VWA8: variants seen among roughly 807,000 people sequenced by gnomAD.
The protein encoded by VWA8 is von Willebrand factor A domain-containing protein 8.
A neutral mutation model predicts 241.5 loss-of-function variants in VWA8; 221 were observed. The ratio of observed to expected loss-of-function variants is 0.91; its 90% CI spans 0.82 to 1.02. VWA8 has a LOEUF of 1.02. Ranked by LOEUF, VWA8 falls within the 50% of genes least tolerant of loss-of-function variation. VWA8 has a pLI of 0.00. For synonymous variants in VWA8, 852 were observed against 827.1 expected (o/e 1.03, Z -0.52); for missense variants, 2,322 against 2,328.7 (o/e 1.00, Z 0.06).
intron 40 of VWA8, among the ~76,000 whole-genome samples, chr13:41,592,709 GC>G (rs2044464258): frequency 7.0e-6 from 1 of 142,592 alleles, no homozygotes; most frequent in Non-Finnish European, 1.5e-5. Flanking sequence ...GTTATTAAAA[GC>G]CCTTCTCTGT....
intron 24 of VWA8, among the ~76,000 whole-genome samples, chr13:41,726,297 C>T (rs1374081672): frequency 1.3e-5 from 2 of 152,132 alleles, no homozygotes; most frequent in Non-Finnish European, 2.9e-5. Flanking sequence ...TATCCTTGTA[C>T]TTAAACATTG....
At chr13:41,620,602 C>T (rs1467449396) in intron 37 of VWA8, among the ~76,000 whole-genome samples, 1 of 152,048 alleles carries the variant, frequency 6.6e-6, no homozygotes, top group African/African-American at 2.4e-5. Flanking sequence ...CTCTTGTGGG[C>T]ATTTAGTGCT....
rs1300629701 is a variant in VWA8, at chr13:41,868,338, T to C, written c.1212+8A>G. 2 of 1,613,490 alleles carry C rather than the reference T, an allele frequency of 1.2e-6. No homozygotes were observed. The highest frequency in any genetic ancestry group is 2.2e-5 in the South Asian group (2 of 90,832). On this transcript the variant is annotated splice_region_variant and intron_variant, in intron 10 of 44. Coordinates refer to ENST00000379310, the MANE Select transcript of VWA8 (RefSeq NM_015058.2). Reference sequence around the variant, plus strand: ...TATCATAGAAAGAATAAACCTGTGATTAATTACCTTAATGGTCACCTCTTT... The same window carrying C: ...TATCATAGAAAGAATAAACCTGTGACTAATTACCTTAATGGTCACCTCTTT...
Position 41,949,936 on chromosome 13 carries a change from T to C in VWA8, c.241A>G (p.Ile81Val). ...KNPELVPQNY[I>V]SDSLAQSVVQ... ...TCATATATTAATAAATATTTCTTAC[T>C]GTAGTTCTGTGGCACAAGTTCTGGA... Residue 81 changes from isoleucine to valine, a missense_variant and splice_region_variant, in exon 2 of 45, where the codon ATT (isoleucine) becomes GTT (valine). Ile to Val is a conservative substitution (Grantham distance 29). Coordinates refer to ENST00000379310, the MANE Select transcript of VWA8 (RefSeq NM_015058.2). The C allele has an allele frequency of 6.4e-7, 1 of 1,557,628 alleles. No individual in the cohort carries two copies. Among genetic ancestry groups the C allele is most frequent in the Non-Finnish European group, 8.8e-7 (1 of 1,141,754 alleles).
rs541358005 is a variant in VWA8 at position 41,619,265 on chromosome 13, CTGTT to C, written c.4612-4185_4612-4182del. ...GGGAGTTCACTCGTGATTTGGCTCT[CTGTT>C]TGTCTGCTATTGGTGTATAGGAATG... On this transcript the variant is annotated intron_variant, in intron 37 of 44. Coordinates refer to ENST00000379310, the MANE Select transcript of VWA8 (RefSeq NM_015058.2). Among the ~76,000 whole-genome samples the C allele has an allele frequency of 1.2e-4, 19 of 152,272 alleles. No homozygotes were observed. In the East Asian group the frequency reaches 3.5e-3, roughly 28 times the overall value.
chr13:41,597,619 C>T (rs1202691802), intron 40 of VWA8, among the ~76,000 whole-genome samples: 1 of 151,778 alleles, frequency 6.6e-6, no homozygotes. Flanking sequence ...TCTATAGTCA[C>T]TTTTTATGAA....
chr13:41,937,975 A>G (rs980478874), intron 2 of VWA8, among the ~76,000 whole-genome samples: 1 of 152,036 alleles, frequency 6.6e-6, no homozygotes, highest in East Asian at 1.9e-4. Flanking sequence ...AGCCTGGCCA[A>G]CACGGTGAAA....
Position 41,830,602 on chromosome 13 carries a change from T to C in VWA8, c.1627A>G (p.Arg543Gly). 6.2e-7 allele frequency: 1 copy of C among 1,613,850 alleles called. No individual in the cohort carries two copies. The highest frequency in any genetic ancestry group is 8.5e-7 in the Non-Finnish European group (1 of 1,179,836). The change falls in exon 14 of 45, where the codon AGG becomes GGG. Residue 543 changes from arginine (R) to glycine (G), a missense_variant. Arg to Gly is a moderately radical substitution (Grantham distance 125). Transcript: ENST00000379310. ...ATATACCTGTCTTCTCTCAGCAGCC[T>C]AGAACCATCATAGAGGCTTAGCTCT... ...DRELSLYDGS[R>G]LLREDRYMRL...
intron 37 of VWA8, among the ~76,000 whole-genome samples, chr13:41,655,822 GTCTA>G (rs963738254): frequency 3.9e-5 from 6 of 152,226 alleles, no homozygotes; most frequent in Non-Finnish European, 7.3e-5. Flanking sequence ...CATTTGTATA[GTCTA>G]TCTATCTATC....
At chr13:41,815,659 C>T (rs1870659550) in intron 16 of VWA8, among the ~76,000 whole-genome samples, 1 of 152,216 alleles carries the variant, frequency 6.6e-6, no homozygotes, top group African/African-American at 2.4e-5. Context: ...GATTCTGGCT[C>T]AGTCATACTG....
At chr13:41,625,185 C>A (rs2044681349) in intron 37 of VWA8, among the ~76,000 whole-genome samples, 1 of 151,454 alleles carries the variant, frequency 6.6e-6, no homozygotes, top group African/African-American at 2.4e-5. Flanking sequence ...ACAAATCAAA[C>A]ACTCATAAAT....
At chr13:41,684,083 T>TGAA (rs1362768701) in intron 35 of VWA8, among the ~76,000 whole-genome samples, 1 of 152,170 alleles carries the variant, frequency 6.6e-6, no homozygotes, top group African/African-American at 2.4e-5. Flanking sequence ...TATCACCTTG[T>TGAA]GAATATTCCT....
At chr13:41,913,755 T>C (rs544591019) in intron 2 of VWA8, among the ~76,000 whole-genome samples, 69 of 152,182 alleles carry the variant, frequency 4.5e-4, no homozygotes, top group Non-Finnish European at 9.3e-4. Flanking sequence ...TATTATAATC[T>C]CCCCAAAACA....
At chr13:41,663,259 A>C (rs960722575) in intron 37 of VWA8, among the ~76,000 whole-genome samples, 3 of 152,174 alleles carry the variant, frequency 2.0e-5, no homozygotes. Context: ...TCAAGGATCC[A>C]AAGATGAGTT....
At chr13:41,615,729 T>C (rs951762393) in intron 37 of VWA8, among the ~76,000 whole-genome samples, 2 of 152,230 alleles carry the variant, frequency 1.3e-5, no homozygotes, top group African/African-American at 2.4e-5. Context: ...GCAATTCAAA[T>C]AGAATAAGAA....
chr13:41,760,770 T>C (rs1396389686), intron 21 of VWA8, among the ~76,000 whole-genome samples: 1 of 151,988 alleles, frequency 6.6e-6, no homozygotes, highest in African/African-American at 2.4e-5. Context: ...TCATATAGTT[T>C]ATTATTTCTC....
intron 4 of VWA8, among the ~76,000 whole-genome samples, chr13:41,900,153 T>G (rs571346205): frequency 1.3e-5 from 2 of 152,342 alleles, no homozygotes; most frequent in South Asian, 4.1e-4. Context: ...CTACACTTGT[T>G]ATGAAAACAG....
chr13:41,583,653 AAAAAAAAAACAAAC>A (rs1473087983), intron 42 of VWA8, among the ~76,000 whole-genome samples: 1 of 101,958 alleles, frequency 9.8e-6, no homozygotes, highest in African/African-American at 3.3e-5. Flanking sequence ...AAAAAAAAAA[AAAAAAAAAACAAAC>A]AAAAAAAGAA....
At chr13:41,611,827 T>C in intron 38 of VWA8, 95 bp from the exon 39 acceptor site, 10 of 1,350,812 alleles carry the variant, frequency 7.4e-6, no homozygotes, top group African/African-American at 1.5e-5. Flanking sequence ...GTGGAGGATA[T>C]TAATTGTACT....
Sources: gnomAD v4.1 joint callset for allele counts (sites outside exome capture counted in the v4.1 genomes callset) on GRCh38, gnomAD v4.1.1 for gene constraint, MANE v1.5 for transcripts, NCBI Gene and HGNC (gene_info 2026-07-23, HGNC 2026-07-21) for gene names.